IL12B: variants seen among roughly 807,000 people sequenced by gnomAD.
The protein encoded by IL12B is interleukin 12B, also known as interleukin-12 subunit beta.
IL12B carries 27 observed loss-of-function variants against 39.2 expected under a neutral mutation model. The observed-to-expected ratio is 0.69, with a 90% confidence interval of 0.51 to 0.95. The LOEUF (loss-of-function observed/expected upper bound fraction) is 0.95. Ranked by LOEUF, IL12B falls within the 40% of genes least tolerant of loss-of-function variation. IL12B has a pLI of 0.00. For synonymous variants in IL12B, 142 were observed against 152.1 expected, an observed-to-expected ratio of 0.93 and a Z score of 0.49; for missense variants, 351 against 397.6, an observed-to-expected ratio of 0.88 and a Z score of 1.00.
In IL12B at chr5:159,316,809, C is replaced by G. The variant is rs370904274; in HGVS notation, c.863G>C (p.Arg288Thr). Residue 288 changes from arginine (R) to threonine (T), a missense_variant, in exon 7 of 8, where the codon AGA becomes ACA. Transcript: ENST00000231228. ...GGCTGAGGTCTTGTCCGTGAAGACT[C>G]TATCTTTCTGCAAAAGAGAAGGAAA... ...QGKSKREKKD[R>T]VFTDKTSATV... 838 of 1,613,968 alleles carry G rather than the reference C, an allele frequency of 5.2e-4. 8 individuals are homozygous for G. The South Asian group carries it at 8.6e-3, about 17-fold the overall frequency.
chr5:159,325,947 T>C (rs1754181366), intron 2 of IL12B, among the ~76,000 whole-genome samples: 1 of 152,192 alleles, frequency 6.6e-6, no homozygotes, highest in South Asian at 2.1e-4. Flanking sequence ...TATTTTACCA[T>C]TAACTATTCT....
rs1754130920 is a variant in IL12B, at chr5:159,323,226, C to G, written c.192G>C (p.Gln64His). The change falls in exon 3 of 8, where the codon CAG (glutamine) becomes CAC (histidine). Residue 64 changes from glutamine (Q) to histidine (H), a missense_variant. Transcript: ENST00000231228. Reference sequence around the variant, plus strand: ...TGCCAGAGCCTAAGACCTCACTGCTCTGGTCCAAGGTCCAGGTGATACCAT... The same window carrying G: ...TGCCAGAGCCTAAGACCTCACTGCTGTGGTCCAAGGTCCAGGTGATACCAT... ...EEDGITWTLD[Q>H]SSEVLGSGKT... is the part of the protein sequence containing the mutation. 1 of 1,614,142 alleles carries G rather than the reference C, an allele frequency of 6.2e-7. No individual in the cohort carries two copies. The highest frequency in any genetic ancestry group is 2.2e-5 in the East Asian group (1 of 44,874).
At chr5:159,328,603 T>C (rs1754229164) in intron 1 of IL12B, among the ~76,000 whole-genome samples, 1 of 152,216 alleles carries the variant, frequency 6.6e-6, no homozygotes. Context: ...AAAGTCATTC[T>C]AGGCAGTAGG....
chr5:159,328,132 A>T (rs1182273333), intron 1 of IL12B, among the ~76,000 whole-genome samples: 2 of 152,192 alleles, frequency 1.3e-5, no homozygotes, highest in African/African-American at 4.8e-5. Flanking sequence ...CTCTAGGCGG[A>T]CCTTGCTATG....
At position 159,320,496 on chromosome 5, in the gene IL12B, C is replaced by T. The variant is rs369160771; in HGVS notation, c.507G>A (p.Thr169=). ...SRGSSDPQGV[T]CGAATLSAER... is the part of the protein sequence containing the mutation. ...CTGCAGAGAGTGTAGCAGCTCCGCA[C>T]GTCACCCCTTGGGGGTCAGAAGAGC... Residue 169 remains threonine, a synonymous_variant, in exon 5 of 8, where the codon ACG becomes ACA. Transcript: ENST00000231228. 1.4e-5 allele frequency: 22 copies of T among 1,613,964 alleles called. No individual in the cohort carries two copies. The highest frequency in any genetic ancestry group is 5.5e-5 in the South Asian group (5 of 91,086).
intron 4 of IL12B, 45 bp from the exon 5 acceptor site, chr5:159,320,565 A>G (rs1287956755): frequency 2.7e-6 from 4 of 1,497,522 alleles, no homozygotes; most frequent in Middle Eastern, 2.1e-4. Flanking sequence ...CATTGGGGAG[A>G]GAGTTCCTAG....
intron 4 of IL12B, among the ~76,000 whole-genome samples, chr5:159,320,810 C>A (rs968820657): frequency 3.3e-5 from 5 of 152,046 alleles, no homozygotes; most frequent in Non-Finnish European, 5.9e-5. Context: ...TCATTTTTTC[C>A]CATTTTAATT....
rs1754111463 is a variant in IL12B, at chr5:159,322,586, A to G, written c.365-75T>C. 6 of 930,590 alleles carry G rather than the reference A, an allele frequency of 6.4e-6. No individual in the cohort carries two copies. In the Admixed American group the frequency reaches 1.0e-4, roughly 16 times the overall value. The allele number at this position is 930,590 out of a possible 1,614,324, so 57.6% of individuals were successfully genotyped here. On this transcript the variant is annotated intron_variant, in intron 3 of 7. Coordinates refer to ENST00000231228, the MANE Select transcript of IL12B (RefSeq NM_002187.3). ...AGGTTTTGATTGTGATGAATCACAG[A>G]TCACCAGATGGTACAGGGTGAAGTT...
chr5:159,319,385 G>T (rs1479306505), intron 5 of IL12B, among the ~76,000 whole-genome samples: 1 of 152,196 alleles, frequency 6.6e-6, no homozygotes, highest in Non-Finnish European at 1.5e-5. Flanking sequence ...ACAGTCAATT[G>T]TCTCTATGCT....
At chr5:159,327,320 G>C (rs889386615) in intron 1 of IL12B, among the ~76,000 whole-genome samples, 1 of 152,198 alleles carries the variant, frequency 6.6e-6, no homozygotes, top group South Asian at 2.1e-4. Flanking sequence ...GGGGAGATGA[G>C]CCATACATTT....
At chr5:159,319,173 G>A (rs1187984326) in intron 5 of IL12B, among the ~76,000 whole-genome samples, 1 of 152,178 alleles carries the variant, frequency 6.6e-6, no homozygotes, top group African/African-American at 2.4e-5. Flanking sequence ...AATCAGATGG[G>A]ACCGCACAGT....
chr5:159,327,502 C>T (rs964910737), intron 1 of IL12B, among the ~76,000 whole-genome samples: 3 of 152,196 alleles, frequency 2.0e-5, no homozygotes, highest in Non-Finnish European at 4.4e-5. Flanking sequence ...AAAGACTACT[C>T]TCTCCCATAT....
At chr5:159,323,829 T>C (rs1234417662) in intron 2 of IL12B, among the ~76,000 whole-genome samples, 11 of 151,708 alleles carry the variant, frequency 7.3e-5, no homozygotes, top group Non-Finnish European at 2.9e-5. Flanking sequence ...TTCATTATCA[T>C]GAGCCTCAGT....
chr5:159,318,338 T>C (rs1305197062), intron 6 of IL12B, among the ~76,000 whole-genome samples: 1 of 152,244 alleles, frequency 6.6e-6, no homozygotes. Context: ...CATAATAACA[T>C]TTCAGTCAAA....
intron 1 of IL12B, among the ~76,000 whole-genome samples, chr5:159,328,415 G>T (rs761953432): frequency 6.6e-6 from 1 of 152,198 alleles, no homozygotes; most frequent in Admixed American, 6.5e-5. Flanking sequence ...CAAGTTACTC[G>T]CTGAGCCTCA....
At chr5:159,319,028 G>T in intron 5 of IL12B, 135 bp from the exon 6 acceptor site, 1 of 804,134 alleles carries the variant, frequency 1.2e-6, no homozygotes, top group Non-Finnish European at 2.1e-6. Context: ...TGAGCACCTG[G>T]CTGGCAAATG....
intron 2 of IL12B, among the ~76,000 whole-genome samples, chr5:159,324,430 C>T (rs543270121): frequency 2.6e-5 from 4 of 152,302 alleles, no homozygotes; most frequent in Admixed American, 1.3e-4. Flanking sequence ...AAAGCATGAT[C>T]GATGAAACAC....
chr5:159,315,801 A>T lies in IL12B; in HGVS notation c.*300T>A, dbSNP rs1232224497. 2 of 152,786 alleles carry T rather than the reference A, an allele frequency of 1.3e-5. No individual in the cohort carries two copies. The highest frequency in any genetic ancestry group is 4.8e-5 in the African/African-American group (2 of 41,460). The allele number at this position is 152,786 out of a possible 1,614,324, so 9.5% of individuals were successfully genotyped here. A position where few individuals can be genotyped will look rare whatever the true frequency, so the allele number is the denominator to read the frequency against. On this transcript the variant is annotated 3_prime_UTR_variant, in exon 8 of 8. Transcript: ENST00000231228. ...TATGAAACATTCCATACATCCTGGC[A>T]GACAAACGTTAAATAACAGTAATAT...
chr5:159,320,779 C>T (rs1200391182), intron 4 of IL12B, among the ~76,000 whole-genome samples: 1 of 152,024 alleles, frequency 6.6e-6, no homozygotes, highest in African/African-American at 2.4e-5. Flanking sequence ...ATTATTAAAC[C>T]CCCTTGTTAA....
Sources: allele counts gnomAD v4.1 joint callset (sites outside exome capture counted in the v4.1 genomes callset), GRCh38; gene constraint gnomAD v4.1.1; transcripts MANE v1.5; gene names NCBI Gene and HGNC (gene_info 2026-07-23, HGNC 2026-07-21).